PTPN3: variants seen among roughly 807,000 people sequenced by gnomAD.
PTPN3 encodes the protein tyrosine-protein phosphatase non-receptor type 3.
PTPN3 carries 96 observed loss-of-function variants against 132.7 expected under a neutral mutation model. The ratio of observed to expected loss-of-function variants is 0.72; its 90% confidence interval spans 0.61 to 0.86. The LOEUF is 0.86. Among genes scored for constraint, PTPN3 ranks in the 40% least tolerant of loss-of-function variants. PTPN3 has a pLI of 0.00. For missense variants in PTPN3, 1,125 were observed against 1,159.6 expected (o/e 0.97, Z 0.43); for synonymous variants, 398 against 429.0 (o/e 0.93, Z 0.89).
chr9:109,387,071 G>A (rs1161842341), intron 22 of PTPN3, among the ~76,000 whole-genome samples: 1 of 152,228 alleles, frequency 6.6e-6, no homozygotes, highest in Non-Finnish European at 1.5e-5. Context: ...TGACTGGGCA[G>A]ATGGGTGCCA....
rs55963327 is a variant in PTPN3 at position 109,380,214 on chromosome 9, AATCTATCTATCTATCT to A, written c.2665-597_2665-582del. 4.9e-3 allele frequency among the ~76,000 whole-genome samples: 713 copies of A among 145,898 alleles called. 1 individual carries two copies. Among genetic ancestry groups the A allele is most frequent in the African/African-American group, 0.012 (452 of 39,196 alleles). On this transcript the variant is annotated intron_variant, in intron 25 of 25. Transcript: ENST00000374541. ...TAGACTGAGCTTCTCCAGCTAGGAA[AATCTATCTATCTATCT>A]ATCTATCTATCTATCTATCTATCTA...
At chr9:109,429,734 T>C (rs982253822) in intron 10 of PTPN3, among the ~76,000 whole-genome samples, 12 of 107,958 alleles carry the variant, frequency 1.1e-4, no homozygotes, top group African/African-American at 3.9e-4. Flanking sequence ...CAAGTGGTCT[T>C]GGAACCAATC....
At chr9:109,390,868 A>C (rs907587165) in intron 21 of PTPN3, among the ~76,000 whole-genome samples, 1 of 152,210 alleles carries the variant, frequency 6.6e-6, no homozygotes, top group Non-Finnish European at 1.5e-5. Context: ...GTACAGGGGC[A>C]TGTGGACGAT....
the PTPN3 span, among the ~76,000 whole-genome samples, chr9:109,504,363 C>T: frequency 4.6e-5 from 7 of 152,172 alleles, no homozygotes; most frequent in African/African-American, 1.4e-4. Flanking sequence ...AAGCCAACCT[C>T]ATGGCTGCCA....
intron 1 of PTPN3, among the ~76,000 whole-genome samples, chr9:109,477,275 G>C (rs1426670640): frequency 3.3e-5 from 5 of 152,110 alleles, no homozygotes; most frequent in Non-Finnish European, 7.4e-5. Flanking sequence ...AACACTCCCC[G>C]AGGCTCTCAT....
chr9:109,511,079 T>C, the PTPN3 span, among the ~76,000 whole-genome samples: 1 of 152,152 alleles, frequency 6.6e-6, no homozygotes, highest in Non-Finnish European at 1.5e-5. Context: ...TATTTTTATA[T>C]CAAGGTGATT....
At position 109,379,369 on chromosome 9, in the gene PTPN3, C is replaced by A. The variant is rs1438999506; in HGVS notation, c.*187G>T. ...ACAGGCCTAAATGATGCCATAATTG[C>A]ATGCTTATCTACACCAGTTCCTATG... On this transcript the variant is annotated 3_prime_UTR_variant, in exon 26 of 26. Coordinates refer to ENST00000374541, the MANE Select transcript of PTPN3 (RefSeq NM_002829.4). The A allele has an allele frequency of 3.4e-6, 2 of 590,506 alleles. No homozygotes were observed. Among genetic ancestry groups the A allele is most frequent in the Non-Finnish European group, 6.0e-6 (2 of 332,758 alleles). 36.6% of individuals were successfully genotyped at this position (590,506 alleles called of 1,614,324 possible).
chr9:109,403,192 C>T (rs1487908476), intron 19 of PTPN3, among the ~76,000 whole-genome samples: 3 of 152,222 alleles, frequency 2.0e-5, no homozygotes, highest in African/African-American at 7.2e-5. Context: ...ATGCACATTG[C>T]TTTAATGTGT....
upstream of PTPN3, among the ~76,000 whole-genome samples, chr9:109,498,602 C>A (rs1847797035): frequency 6.6e-6 from 1 of 152,170 alleles, no homozygotes; most frequent in South Asian, 2.1e-4. The surrounding 1 kb of genome is among the most constrained non-coding windows in gnomAD (Gnocchi z 4.2). Flanking sequence ...AAGAAGTCGG[C>A]GCCCAAAGAA....
rs1838944167 is a variant in PTPN3, at chr9:109,380,257, CTAT to C, written c.2665-627_2665-625del. On this transcript the variant is annotated intron_variant, in intron 25 of 25. Transcript: ENST00000374541. Reference sequence around the variant, plus strand: ...TCTATCTATCTATCTATCTATCTATCTATCTATCTAGTTTTCAAGACAGAGTCC... The same window carrying C: ...TCTATCTATCTATCTATCTATCTATCCTATCTAGTTTTCAAGACAGAGTCC... Among the ~76,000 whole-genome samples, 4 of 151,172 alleles carry C rather than the reference CTAT, an allele frequency of 2.6e-5. No homozygotes were observed. In the South Asian group the frequency reaches 8.4e-4, roughly 32 times the overall value.
At chr9:109,434,121 C>T (rs1469860667) in intron 9 of PTPN3, among the ~76,000 whole-genome samples, 6 of 152,068 alleles carry the variant, frequency 3.9e-5, no homozygotes, top group Non-Finnish European at 5.9e-5. Context: ...CTTGTTTTCC[C>T]AATCAGATAC....
intron 5 of PTPN3, among the ~76,000 whole-genome samples, chr9:109,453,429 G>A (rs1845382180): frequency 6.6e-6 from 1 of 152,118 alleles, no homozygotes; most frequent in Non-Finnish European, 1.5e-5. Flanking sequence ...GTTGCCACAG[G>A]GGAGGGAAAG....
chr9:109,496,222 T>C (rs183411520), intron 1 of PTPN3, among the ~76,000 whole-genome samples: 4 of 152,364 alleles, frequency 2.6e-5, no homozygotes, highest in Non-Finnish European at 1.5e-5. Flanking sequence ...GCATGTGGGA[T>C]TTATGGGAGC....
rs1841584664 is a variant in PTPN3 at position 109,406,585 on chromosome 9, C to A, written c.1669G>T (p.Asp557Tyr). 1.2e-6 allele frequency: 2 copies of A among 1,614,044 alleles called. No individual in the cohort carries two copies. Among genetic ancestry groups the A allele is most frequent in the African/African-American group, 1.3e-5 (1 of 74,926 alleles). ...DTCIPKLNEGDQIVLINGRDI... is the reference protein window; with the variant it reads ...DTCIPKLNEGYQIVLINGRDI... ...CGGCCATTGATTAACACGATTTGAT[C>A]CCCTTCGTTCAGCTTAGGAATGCAG... Residue 557 changes from aspartate (D) to tyrosine (Y), a missense_variant, in exon 18 of 26, where the codon GAT becomes TAT. Transcript: ENST00000374541.
At chr9:109,454,366 T>TA (rs1269468585) in intron 5 of PTPN3, 130 bp downstream of exon 5, 6 of 789,342 alleles carry the variant, frequency 7.6e-6, no homozygotes, top group Non-Finnish European at 1.3e-5. Context: ...GATTTTTACT[T>TA]GGATCATCAT....
chr9:109,474,587 C>A (rs1242348124), intron 1 of PTPN3, among the ~76,000 whole-genome samples: 1 of 152,096 alleles, frequency 6.6e-6, no homozygotes, highest in African/African-American at 2.4e-5. Flanking sequence ...GAAGCTGCAG[C>A]ATTCCAGACA....
chr9:109,436,918 G>A lies in PTPN3; in HGVS notation c.640C>T (p.Leu214Phe), dbSNP rs748993613. The A allele has an allele frequency of 1.2e-6, 2 of 1,614,106 alleles. No individual in the cohort carries two copies. The highest frequency in any genetic ancestry group is 1.7e-6 in the Non-Finnish European group (2 of 1,179,988). ...ESCYINIART[L>F]DFYGVELHSG... is the part of the protein sequence containing the mutation. ...TGCAGTTCTACTCCATAGAAGTCGA[G>A]GGTCCGCGCTATGTTGATATAGCAG... The change falls in exon 9 of 26, where the codon CTC becomes TTC. Residue 214 changes from leucine to phenylalanine, a missense_variant. By Grantham distance (22) the Leu-to-Phe change is conservative (BLOSUM62 0). Coordinates refer to ENST00000374541, the MANE Select transcript of PTPN3 (RefSeq NM_002829.4).
chr9:109,377,459 AG>A lies in PTPN3; in HGVS notation c.*2096del, dbSNP rs1747956006. The A allele has an allele frequency of 2.9e-5, 3 of 104,578 alleles. No homozygotes were observed. The highest frequency in any genetic ancestry group is 1.1e-4 in the African/African-American group (3 of 26,144). 6.5% of individuals were successfully genotyped at this position (104,578 alleles called of 1,614,324 possible). ...ACACACACACACACACACACACACA[AG>A]CCAGGTGAGGTGGCATGTGCCTATA... On this transcript the variant is annotated 3_prime_UTR_variant, in exon 26 of 26. Coordinates refer to ENST00000374541, the MANE Select transcript of PTPN3 (RefSeq NM_002829.4).
At chr9:109,500,623 G>A (rs1218053809), upstream of PTPN3, among the ~76,000 whole-genome samples, 3 of 143,934 alleles carry the variant, frequency 2.1e-5, no homozygotes, top group Non-Finnish European at 4.5e-5. Flanking sequence ...AATGTTAAAT[G>A]AAAAAAAAAA....
Sources: gnomAD v4.1 joint callset for allele counts (sites outside exome capture counted in the v4.1 genomes callset) on GRCh38, gnomAD v4.1.1 for gene constraint, Gnocchi (gnomAD v3.1) non-coding constraint, MANE v1.5 for transcripts, NCBI Gene and HGNC (gene_info 2026-07-23, HGNC 2026-07-21) for gene names.